Variants in TSPEAR observed in about 807,000 individuals in gnomAD.
The protein encoded by TSPEAR is thrombospondin type laminin G domain and EAR repeats.
In TSPEAR, 69 loss-of-function variants were observed where a neutral mutation model predicts 71.6. The ratio of observed to expected loss-of-function variants is 0.96; its 90% CI spans 0.79 to 1.18. The LOEUF (loss-of-function observed/expected upper bound fraction) is 1.18, where lower values mean the gene tolerates loss of function less well. Ranked by LOEUF, TSPEAR falls within the 50% of genes most tolerant of loss-of-function variation. The pLI, the probability that TSPEAR is intolerant of heterozygous loss-of-function variation, is 0.00. For synonymous variants in TSPEAR, 402 were observed against 387.2 expected, an observed-to-expected ratio of 1.04 and a Z score of -0.45; for missense variants, 971 against 894.9, an observed-to-expected ratio of 1.09 and a Z score of -1.09.
intron 1 of TSPEAR, chr21:44,676,923 G>A: frequency 1.1e-6 from 1 of 878,072 alleles, no homozygotes; most frequent in Admixed American, 1.7e-5. Context: ...GATGTGCACG[G>A]GCAATCAGGG....
At chr21:44,649,611 C>G (rs1374367059) in intron 1 of TSPEAR, among the ~76,000 whole-genome samples, 1 of 152,184 alleles carries the variant, frequency 6.6e-6, no homozygotes, top group African/African-American at 2.4e-5. Context: ...GTCGGGGCAG[C>G]CCTCGGTTTT....
intron 2 of TSPEAR, among the ~76,000 whole-genome samples, chr21:44,540,421 G>A (rs1378780213): frequency 1.3e-5 from 2 of 152,306 alleles, no homozygotes; most frequent in South Asian, 2.1e-4. Flanking sequence ...CCTGTCCCAT[G>A]TGGATCCCTG....
chr21:44,702,728 C>T, intron 1 of TSPEAR: 1 of 1,447,708 alleles, frequency 6.9e-7, no homozygotes, highest in Non-Finnish European at 9.7e-7. Context: ...TCCTGCGTGT[C>T]CCTCCTCTGC....
At chr21:44,602,332 T>C (rs1325616965) in intron 1 of TSPEAR, among the ~76,000 whole-genome samples, 3 of 152,078 alleles carry the variant, frequency 2.0e-5, no homozygotes, top group Non-Finnish European at 4.4e-5. Flanking sequence ...GTCCGAGGGG[T>C]AGGCAGGACT....
intron 1 of TSPEAR, chr21:44,654,268 C>A: frequency 1.9e-6 from 3 of 1,611,960 alleles, no homozygotes; most frequent in Non-Finnish European, 2.5e-6. Flanking sequence ...TCATAGGAGG[C>A]CACCTGCTCA....
At chr21:44,661,739 C>T (rs782573542) in intron 1 of TSPEAR, among the ~76,000 whole-genome samples, 1 of 152,118 alleles carries the variant, frequency 6.6e-6, no homozygotes, top group South Asian at 2.1e-4. Context: ...AGGCACATCA[C>T]GTGGCCAGAG....
At chr21:44,580,554 A>G in intron 1 of TSPEAR, 2 of 1,613,232 alleles carry the variant, frequency 1.2e-6, no homozygotes, top group Non-Finnish European at 1.7e-6. Flanking sequence ...GCGCTGGAGC[A>G]GACGGACATG....
chr21:44,508,700 C>T, intron 10 of TSPEAR: 5 of 1,223,478 alleles, frequency 4.1e-6, no homozygotes, highest in African/African-American at 1.5e-5. Context: ...CCTCCATGTT[C>T]CCTGGATCTC....
At position 44,520,067 on chromosome 21, in the gene TSPEAR, GT is replaced by G. The variant is rs2052701917; in HGVS notation, c.1566+1815del. On this transcript the variant is annotated intron_variant, in intron 9 of 11. Transcript: ENST00000323084. The surrounding 1 kb of genome is among the most constrained non-coding windows in gnomAD (Gnocchi z 4.2). ...TCCTGGCTCCCAGGCACGCTCACCT[GT>G]TCCATCCACAGCACTAGCGAGCTCA... The G allele has an allele frequency of 6.6e-6, 1 of 152,494 alleles. No individual in the cohort carries two copies. The highest frequency in any genetic ancestry group is 2.4e-5 in the African/African-American group (1 of 41,438). The allele number at this position is 152,494 out of a possible 1,614,324, so 9.4% of individuals were successfully genotyped here.
chr21:44,646,852 T>C, intron 1 of TSPEAR: 3 of 1,577,590 alleles, frequency 1.9e-6, no homozygotes, highest in Non-Finnish European at 2.6e-6. Flanking sequence ...GCAGTCTAGC[T>C]GCCAGCCAGC....
intron 1 of TSPEAR, among the ~76,000 whole-genome samples, chr21:44,605,300 T>C (rs1195558039): frequency 6.6e-6 from 1 of 152,154 alleles, no homozygotes; most frequent in African/African-American, 2.4e-5. Context: ...ATGAAAGAAG[T>C]TGAAGACACA....
chr21:44,511,257 CCTG>C (rs1408177654), intron 9 of TSPEAR, among the ~76,000 whole-genome samples: 1 of 152,194 alleles, frequency 6.6e-6, no homozygotes, highest in East Asian at 1.9e-4. Flanking sequence ...TACCTGCACA[CCTG>C]CATGTATGCA....
chr21:44,580,595 C>T (rs5017207), intron 1 of TSPEAR: 11 of 1,597,954 alleles, frequency 6.9e-6, no homozygotes, highest in South Asian at 4.6e-5. Flanking sequence ...GTGGGGAAGA[C>T]GTGAGCTGGG....
intron 2 of TSPEAR, among the ~76,000 whole-genome samples, chr21:44,542,796 C>T (rs2146011509): frequency 6.8e-6 from 1 of 147,650 alleles, no homozygotes; most frequent in Middle Eastern, 3.4e-3. Flanking sequence ...AAAAAGGAAC[C>T]CTCCAAACCA....
At chr21:44,574,668 C>T (rs782780253) in intron 1 of TSPEAR, 103 of 1,602,686 alleles carry the variant, frequency 6.4e-5, no homozygotes, top group Non-Finnish European at 8.5e-5. Context: ...GTCTAGCTGC[C>T]AGCCAGCTTG....
chr21:44,521,794 C>A lies in TSPEAR; in HGVS notation c.1566+89G>T. ...AGCACTAGGTTTGGCTCTCGGTGGA[C>A]CCCCAGCCCACATCACCTGTCCAGC... On this transcript the variant is annotated intron_variant, in intron 9 of 11. Coordinates refer to ENST00000323084, the MANE Select transcript of TSPEAR (RefSeq NM_144991.3). 5 of 1,300,814 alleles carry A rather than the reference C, an allele frequency of 3.8e-6. No homozygotes were observed. The South Asian group carries it at 5.2e-5, about 13-fold the overall frequency. The allele number at this position is 1,300,814 out of a possible 1,614,324, so 80.6% of individuals were successfully genotyped here.
rs148932141 is a variant in TSPEAR, at chr21:44,666,820, C to T, written c.82+44613G>A. ...TGGCAGGAGCTGGGCACACAACAGG[C>T]TGGCTGGCAGGGGCTGGGCGCGCAG... On this transcript the variant is annotated intron_variant, in intron 1 of 11. Coordinates refer to ENST00000323084, the MANE Select transcript of TSPEAR (RefSeq NM_144991.3). 8,236 of 1,609,598 alleles carry T rather than the reference C, an allele frequency of 5.1e-3. 35 individuals carry two copies. The highest frequency in any genetic ancestry group is 5.3e-3 in the Non-Finnish European group (6,290 of 1,176,938).
At chr21:44,630,644 G>T (rs1983201514) in intron 1 of TSPEAR, among the ~76,000 whole-genome samples, 1 of 151,110 alleles carries the variant, frequency 6.6e-6, no homozygotes, top group African/African-American at 2.4e-5. Context: ...GAAGGGGAGG[G>T]CAGGAAGTGA....
At chr21:44,569,508 G>A (rs1328229576) in intron 1 of TSPEAR, among the ~76,000 whole-genome samples, 1 of 152,164 alleles carries the variant, frequency 6.6e-6, no homozygotes, top group Non-Finnish European at 1.5e-5. Context: ...TGGAAAGGAT[G>A]CAGAGGGTCC....
Sources: gnomAD v4.1 joint callset for allele counts (sites outside exome capture counted in the v4.1 genomes callset) on GRCh38, gnomAD v4.1.1 for gene constraint, Gnocchi (gnomAD v3.1) non-coding constraint, MANE v1.5 for transcripts, NCBI Gene and HGNC (gene_info 2026-07-23, HGNC 2026-07-21) for gene names.